GRID2: variants seen among roughly 807,000 people sequenced by gnomAD.
The protein encoded by GRID2 is glutamate ionotropic receptor delta type subunit 2, also known as glutamate receptor ionotropic, delta-2.
GRID2 carries 33 observed loss-of-function variants against 114.8 expected under a neutral mutation model. That is an observed-to-expected ratio of 0.29 (90% CI 0.22 to 0.38). The LOEUF is 0.38. Ranked by LOEUF, GRID2 falls within the 10% of genes least tolerant of loss-of-function variation. GRID2 has a pLI of 1.00. For missense variants in GRID2, 1,184 were observed against 1,257.7 expected (o/e 0.94, Z 0.89); for synonymous variants, 505 against 449.9 (o/e 1.12, Z -1.55).
intron 13 of GRID2, among the ~76,000 whole-genome samples, chr4:93,607,332 TA>T (rs1245828526): frequency 6.6e-6 from 1 of 152,164 alleles, no homozygotes; most frequent in East Asian, 1.9e-4. Flanking sequence ...TCTTGCTTTT[TA>T]ATATTCTGCA....
intron 1 of GRID2, among the ~76,000 whole-genome samples, chr4:92,384,904 A>AAAGGAG (rs1729866140): frequency 1.3e-5 from 2 of 150,920 alleles, no homozygotes; most frequent in Admixed American, 1.3e-4. Context: ...GAAGCAGTCA[A>AAAGGAG]AAGGAGAATG....
At chr4:92,886,290 T>C (rs963727825) in intron 2 of GRID2, among the ~76,000 whole-genome samples, 19 of 152,092 alleles carry the variant, frequency 1.2e-4, no homozygotes, top group Non-Finnish European at 2.5e-4. Flanking sequence ...GATCACTTAG[T>C]ATAGATCACC....
intron 1 of GRID2, among the ~76,000 whole-genome samples, chr4:93,787,244 A>G (rs1398188311): frequency 6.6e-6 from 1 of 152,046 alleles, no homozygotes; most frequent in Non-Finnish European, 1.5e-5. Context: ...CCACATCAAA[A>G]CAGTTTTGTT....
chr4:92,388,570 T>G (rs1349214377), intron 1 of GRID2, among the ~76,000 whole-genome samples: 1 of 152,010 alleles, frequency 6.6e-6, no homozygotes, highest in Non-Finnish European at 1.5e-5. Context: ...TCTAAGACTC[T>G]CATCTTTTAT....
At chr4:93,369,928 A>T (rs914211210) in intron 8 of GRID2, among the ~76,000 whole-genome samples, 2 of 152,180 alleles carry the variant, frequency 1.3e-5, no homozygotes, top group African/African-American at 4.8e-5. Flanking sequence ...TGAAAATGTG[A>T]TTAATTATTT....
rs550958719 is a variant in GRID2 at position 92,584,128 on chromosome 4, A to T, written c.89-6003A>T. 1.6e-4 allele frequency among the ~76,000 whole-genome samples: 24 copies of T among 151,992 alleles called. 1 individual carries two copies. In the South Asian group the frequency reaches 5.0e-3, roughly 31 times the overall value. ...TTTCTCTTACTACCTAGTAGTTTTG[A>T]ACATGCTTAACATTTTTTCTCCTTG... On this transcript the variant is annotated intron_variant, in intron 1 of 15. Transcript: ENST00000282020.
intron 2 of GRID2, among the ~76,000 whole-genome samples, chr4:92,916,699 T>C (rs968674277): frequency 6.6e-6 from 1 of 152,206 alleles, no homozygotes; most frequent in Non-Finnish European, 1.5e-5. Context: ...CTCGTCATTT[T>C]TTATAGCTGC....
At chr4:93,076,092 C>CG (rs1174533136) in intron 2 of GRID2, among the ~76,000 whole-genome samples, 1 of 151,580 alleles carries the variant, frequency 6.6e-6, no homozygotes, top group Non-Finnish European at 1.5e-5. Context: ...TTAGTAGAGA[C>CG]GGGTTTCACC....
At chr4:92,843,535 A>G (rs1042437785) in intron 2 of GRID2, among the ~76,000 whole-genome samples, 3 of 152,168 alleles carry the variant, frequency 2.0e-5, no homozygotes, top group Admixed American at 2.0e-4. Context: ...GCATGGTAAC[A>G]TAACATTTTC....
intron 2 of GRID2, among the ~76,000 whole-genome samples, chr4:92,758,675 T>A (rs1247804873): frequency 6.6e-6 from 1 of 152,128 alleles, no homozygotes; most frequent in African/African-American, 2.4e-5. Flanking sequence ...ACAATAATAA[T>A]GTTAGCAGTA....
At chr4:93,533,858 C>T (rs1020086161) in intron 13 of GRID2, among the ~76,000 whole-genome samples, 3 of 152,174 alleles carry the variant, frequency 2.0e-5, no homozygotes, top group Non-Finnish European at 2.9e-5. Flanking sequence ...GCAATATAAG[C>T]GAACAGGTCA....
chr4:93,622,369 C>T (rs890508607), intron 13 of GRID2, among the ~76,000 whole-genome samples: 2 of 152,100 alleles, frequency 1.3e-5, no homozygotes, highest in Non-Finnish European at 2.9e-5. Flanking sequence ...ATTTTTTTAT[C>T]ATCAGCATCA....
At chr4:92,772,655 TAA>T (rs898556476) in intron 2 of GRID2, among the ~76,000 whole-genome samples, 2 of 152,188 alleles carry the variant, frequency 1.3e-5, no homozygotes, top group African/African-American at 4.8e-5. Flanking sequence ...ATGCATCCTA[TAA>T]ATTTGCGACC....
intron 4 of GRID2, among the ~76,000 whole-genome samples, chr4:93,169,229 G>A (rs556007555): frequency 1.1e-3 from 161 of 150,372 alleles, no homozygotes; most frequent in Middle Eastern, 0.01. Flanking sequence ...AATATTTATT[G>A]CCTATTTTTG....
intron 8 of GRID2, among the ~76,000 whole-genome samples, chr4:93,352,152 A>G (rs957633987): frequency 1.3e-5 from 2 of 152,028 alleles, no homozygotes; most frequent in African/African-American, 4.8e-5. Flanking sequence ...CTCTTGCTGT[A>G]TGCTATAATT....
rs558200780 is a variant in GRID2 at position 92,470,028 on chromosome 4, A to G, written c.89-120103A>G. 2.0e-4 allele frequency among the ~76,000 whole-genome samples: 31 copies of G among 152,066 alleles called. 1 individual carries two copies. The South Asian group carries it at 5.8e-3, about 28-fold the overall frequency. On this transcript the variant is annotated intron_variant, in intron 1 of 15. Transcript: ENST00000282020. The stretch of plus-strand genomic sequence containing the variant: ...CATGAAATATTTTTTGTATTATATA[A>G]CAAACCCTACTGAAAGGATGGATGT...
chr4:93,233,620 G>T (rs1746413642), intron 7 of GRID2, among the ~76,000 whole-genome samples: 1 of 152,074 alleles, frequency 6.6e-6, no homozygotes, highest in Admixed American at 6.6e-5. Flanking sequence ...TGGAATTACA[G>T]GTGTGAGCCA....
chr4:93,462,017 T>G, intron 11 of GRID2, among the ~76,000 whole-genome samples: 1 of 152,310 alleles, frequency 6.6e-6, no homozygotes, highest in South Asian at 2.1e-4. Flanking sequence ...CTTCAGATGT[T>G]TGTGTCTGAT....
intron 10 of GRID2, among the ~76,000 whole-genome samples, chr4:93,423,336 C>CTTTTTTTTTTTTT (rs554663844): frequency 2.6e-4 from 19 of 73,570 alleles, no homozygotes; most frequent in Admixed American, 4.5e-4. Flanking sequence ...TTTTTTCTTT[C>CTTTTTTTTTTTTT]TTTTTTTTTT....
Sources: gnomAD v4.1 joint callset for allele counts (sites outside exome capture counted in the v4.1 genomes callset) on GRCh38, gnomAD v4.1.1 for gene constraint, MANE v1.5 for transcripts, NCBI Gene and HGNC (gene_info 2026-07-23, HGNC 2026-07-21) for gene names.